Variants in PRSS38 observed in about 807,000 individuals in gnomAD.
PRSS38 encodes the protein marapsin 2.
In PRSS38, 22 loss-of-function variants were observed where a neutral mutation model predicts 26.8. The ratio of observed to expected loss-of-function variants is 0.82; its 90% CI spans 0.59 to 1.17. PRSS38 has a LOEUF of 1.17. Ranked by LOEUF, PRSS38 falls within the 50% of genes most tolerant of loss-of-function variation. The probability of loss-of-function intolerance (pLI) is 0.00; values close to 1 mark genes in which losing one functional copy is unlikely to be tolerated. For synonymous variants in PRSS38, 175 were observed against 172.1 expected, an observed-to-expected ratio of 1.02 and a Z score of -0.13; for missense variants, 427 against 422.7, an observed-to-expected ratio of 1.01 and a Z score of -0.09.
chr1:227,844,524 TG>T (rs1194314971), intron 3 of PRSS38, among the ~76,000 whole-genome samples: 1 of 148,414 alleles, frequency 6.7e-6, no homozygotes, highest in Non-Finnish European at 1.5e-5. Flanking sequence ...CGGTTTGTGG[TG>T]GAGCTCCTCC....
chr1:227,821,154 C>G (rs967234111), intron 3 of PRSS38, among the ~76,000 whole-genome samples: 1 of 152,008 alleles, frequency 6.6e-6, no homozygotes, highest in African/African-American at 2.4e-5. Flanking sequence ...TTTTCTGTTC[C>G]TGTACTAGTT....
At chr1:227,831,600 C>T (rs997215236) in intron 3 of PRSS38, among the ~76,000 whole-genome samples, 3 of 152,112 alleles carry the variant, frequency 2.0e-5, no homozygotes, top group Admixed American at 6.6e-5. Flanking sequence ...TTGGGCCAGG[C>T]GCGATGGCTC....
chr1:227,821,140 T>C (rs1227400632), intron 3 of PRSS38, among the ~76,000 whole-genome samples: 2 of 152,162 alleles, frequency 1.3e-5, no homozygotes, highest in African/African-American at 4.8e-5. Flanking sequence ...ATGTGGTGTT[T>C]TGGTTTTCTG....
intron 3 of PRSS38, among the ~76,000 whole-genome samples, chr1:227,837,174 G>A (rs1665249638): frequency 6.6e-6 from 1 of 152,076 alleles, no homozygotes. Flanking sequence ...CTCATGAATA[G>A]TCCTGTTGCA....
At chr1:227,842,560 C>T (rs1207537673) in intron 3 of PRSS38, among the ~76,000 whole-genome samples, 1 of 152,096 alleles carries the variant, frequency 6.6e-6, no homozygotes, top group Non-Finnish European at 1.5e-5. Flanking sequence ...TGGCCTTCCA[C>T]CTCTCCTTCT....
At chr1:227,818,685 A>AAC (rs1480586333) in intron 3 of PRSS38, among the ~76,000 whole-genome samples, 3 of 151,694 alleles carry the variant, frequency 2.0e-5, no homozygotes, top group Non-Finnish European at 4.4e-5. Flanking sequence ...CAAAAAAAAA[A>AAC]AAAAAAAAAA....
intron 3 of PRSS38, among the ~76,000 whole-genome samples, chr1:227,840,111 G>A (rs1243740593): frequency 6.6e-6 from 1 of 152,030 alleles, no homozygotes; most frequent in Non-Finnish European, 1.5e-5. Flanking sequence ...AGCTTAGGAT[G>A]GTTTCTACAC....
At chr1:227,841,668 C>T (rs1665339712) in intron 3 of PRSS38, among the ~76,000 whole-genome samples, 2 of 152,144 alleles carry the variant, frequency 1.3e-5, no homozygotes, top group African/African-American at 4.8e-5. Context: ...TCATTTTTAA[C>T]CACAACCAGG....
intron 3 of PRSS38, among the ~76,000 whole-genome samples, chr1:227,840,352 G>A (rs575644306): frequency 6.6e-6 from 1 of 152,170 alleles, no homozygotes; most frequent in African/African-American, 2.4e-5. Context: ...CGAACTCCTG[G>A]GCTCAAGCGA....
chr1:227,817,593 ACCTGTCAATC>A, intron 3 of PRSS38, 113 bp downstream of exon 3: 3 of 1,006,242 alleles, frequency 3.0e-6, no homozygotes, highest in Non-Finnish European at 4.4e-6. Context: ...TGGAATCCCC[ACCTGTCAATC>A]AACATTTATT....
intron 3 of PRSS38, 108 bp downstream of exon 3, chr1:227,817,588 TC>T (rs1002360614): frequency 2.1e-5 from 22 of 1,037,336 alleles, no homozygotes; most frequent in Non-Finnish European, 3.0e-5. Context: ...GGGACTGGAA[TC>T]CCCACCTGTC....
intron 3 of PRSS38, among the ~76,000 whole-genome samples, chr1:227,837,946 G>A (rs919214596): frequency 6.6e-6 from 1 of 151,942 alleles, no homozygotes; most frequent in Non-Finnish European, 1.5e-5. Context: ...TTTAGAGATG[G>A]GGTCTTGCTC....
intron 3 of PRSS38, among the ~76,000 whole-genome samples, chr1:227,830,501 CTTTT>C (rs1243159470): frequency 8.0e-6 from 1 of 125,148 alleles, no homozygotes; most frequent in African/African-American, 3.0e-5. Context: ...AAGGTGTCTA[CTTTT>C]TTTTTTTTTT....
At position 227,833,322 on chromosome 1, in the gene PRSS38, G is replaced by A. The variant is rs574927967; in HGVS notation, c.584-12148G>A. 2.6e-5 allele frequency among the ~76,000 whole-genome samples: 4 copies of A among 152,296 alleles called. No homozygotes were observed. The East Asian group carries it at 7.7e-4, about 29-fold the overall frequency. On this transcript the variant is annotated intron_variant, in intron 3 of 4. Transcript: ENST00000366757. ...GTGGGCAGATCACCTGAGGTCAGGA[G>A]TTTGAAACCAGCCTGGCCAACATGG...
At chr1:227,825,596 T>A (rs947468083) in intron 3 of PRSS38, among the ~76,000 whole-genome samples, 8 of 152,246 alleles carry the variant, frequency 5.3e-5, no homozygotes, top group African/African-American at 1.7e-4. Context: ...TTTCTGCATA[T>A]GGCTAGCTAA....
rs1265649645 is a variant in PRSS38 at position 227,817,193 on chromosome 1, G to C, written c.312-16G>C. On this transcript the variant is annotated splice_polypyrimidine_tract_variant and intron_variant, in intron 2 of 4. Transcript: ENST00000366757. ...AGGAAGCTGCGGGCATTGTACCTCT[G>C]TTCTCACCCCCACAGGGACAAGAAT... 1.2e-6 allele frequency: 2 copies of C among 1,608,938 alleles called. No individual in the cohort carries two copies. The highest frequency in any genetic ancestry group is 3.3e-5 in the Admixed American group (2 of 59,934).
intron 3 of PRSS38, among the ~76,000 whole-genome samples, chr1:227,819,892 T>C (rs1157397649): frequency 6.6e-6 from 1 of 151,950 alleles, no homozygotes; most frequent in Non-Finnish European, 1.5e-5. Flanking sequence ...AGATTGAGAC[T>C]ATCCTGGCCA....
intron 3 of PRSS38, among the ~76,000 whole-genome samples, chr1:227,825,553 G>A (rs1665062064): frequency 6.6e-6 from 1 of 152,194 alleles, no homozygotes; most frequent in Non-Finnish European, 1.5e-5. Flanking sequence ...GTTAATTTTT[G>A]TATGTGGTGT....
At chr1:227,817,590 C>T in intron 3 of PRSS38, 110 bp downstream of exon 3, 1 of 1,036,774 alleles carries the variant, frequency 9.6e-7, no homozygotes, top group Non-Finnish European at 1.4e-6. Context: ...GACTGGAATC[C>T]CCACCTGTCA....
Sources: allele counts gnomAD v4.1 joint callset (sites outside exome capture counted in the v4.1 genomes callset), GRCh38; gene constraint gnomAD v4.1.1; transcripts MANE v1.5; gene names NCBI Gene and HGNC (gene_info 2026-07-23, HGNC 2026-07-21).